The following KAZN variants were observed in gnomAD, a reference collection of about 807,000 sequenced individuals.
The protein encoded by KAZN is kazrin, periplakin interacting protein.
A neutral mutation model predicts 87.4 loss-of-function variants in KAZN; 40 were observed. The ratio of observed to expected loss-of-function variants is 0.46; its 90% confidence interval spans 0.36 to 0.60. The LOEUF (loss-of-function observed/expected upper bound fraction) is 0.60. Ranked by LOEUF, KAZN falls within the 20% of genes least tolerant of loss-of-function variation. The pLI, the probability that KAZN is intolerant of heterozygous loss-of-function variation, is 0.00. For synonymous variants in KAZN, 466 were observed against 458.3 expected, an observed-to-expected ratio of 1.02 and a Z score of -0.22; for missense variants, 898 against 1,073.9, an observed-to-expected ratio of 0.84 and a Z score of 2.29.
intron 1 of KAZN, among the ~76,000 whole-genome samples, chr1:14,861,378 CA>C (rs1176891526): frequency 6.6e-6 from 1 of 151,396 alleles, no homozygotes; most frequent in South Asian, 2.1e-4. Flanking sequence ...GAGCCTGTCT[CA>C]AAAAAAATAA....
intron 1 of KAZN, among the ~76,000 whole-genome samples, chr1:14,943,003 GTGTGGTGTGTGT>G (rs1247565576): frequency 1.6e-5 from 2 of 122,036 alleles, no homozygotes; most frequent in African/African-American, 7.6e-5. Flanking sequence ...GTGTGTGTGT[GTGTGGTGTGTGT>G]GTGTGTGTGT....
At position 15,101,725 on chromosome 1, in the gene KAZN, G is replaced by C; in HGVS notation, c.1730G>C (p.Ser577Thr). The C allele has an allele frequency of 6.3e-7, 1 of 1,593,010 alleles. No homozygotes were observed. Among genetic ancestry groups the C allele is most frequent in the African/African-American group, 1.3e-5 (1 of 74,628 alleles). Residue 577 changes from serine to threonine, a missense_variant, in exon 11 of 15, where the codon AGC becomes ACC. Coordinates refer to ENST00000376030, the MANE Select transcript of KAZN (RefSeq NM_201628.3). ...LNVSKKFHQV[S>T]ILLGIELLYQ... Reference sequence around the variant, plus strand: ...GTGTCCAAGAAGTTCCACCAGGTCAGCATCCTGCTGGGGATCGAGCTGCTG... The same window carrying C: ...GTGTCCAAGAAGTTCCACCAGGTCACCATCCTGCTGGGGATCGAGCTGCTG...
At chr1:15,104,333 C>A (rs1641220096) in intron 13 of KAZN, 144 bp downstream of exon 13, 2 of 876,196 alleles carry the variant, frequency 2.3e-6, no homozygotes, top group African/African-American at 1.7e-5. Flanking sequence ...TCACCTTTTA[C>A]AGATCAGGAA....
rs146725382 is a variant in KAZN at position 14,217,738 on chromosome 1, G to A, written c.249+37146G>A. On this transcript the variant is annotated intron_variant, in intron 2 of 16. Transcript: ENST00000636203. ...ACTGACCCAAAATAACCAACACTGAGAGAAAGTTAATAAAACTATTAGACT... is the reference window on the plus strand; with the variant it reads ...ACTGACCCAAAATAACCAACACTGAAAGAAAGTTAATAAAACTATTAGACT... 2.4e-3 allele frequency among the ~76,000 whole-genome samples: 368 copies of A among 152,146 alleles called. 2 individuals carry two copies. The highest frequency in any genetic ancestry group is 7.8e-3 in the African/African-American group (325 of 41,534).
At chr1:14,035,576 C>G (rs764251253) in intron 1 of KAZN, among the ~76,000 whole-genome samples, 1 of 150,664 alleles carries the variant, frequency 6.6e-6, no homozygotes, top group Non-Finnish European at 1.5e-5. Context: ...CCTCCCAGAT[C>G]CTCCCACCTC....
chr1:13,943,374 G>C (rs1028740951), intron 1 of KAZN, among the ~76,000 whole-genome samples: 1 of 152,098 alleles, frequency 6.6e-6, no homozygotes, highest in African/African-American at 2.4e-5. Flanking sequence ...GGAGGCTGAG[G>C]TGGGAGGATC....
intron 2 of KAZN, among the ~76,000 whole-genome samples, chr1:14,978,974 G>T (rs141092117): frequency 6.6e-6 from 1 of 151,818 alleles, no homozygotes; most frequent in East Asian, 2.0e-4. Context: ...GCGCAATCTC[G>T]GCTCACTGCA....
intron 1 of KAZN, among the ~76,000 whole-genome samples, chr1:14,620,029 C>A (rs933698355): frequency 6.6e-6 from 1 of 152,178 alleles, no homozygotes; most frequent in African/African-American, 2.4e-5. Flanking sequence ...CTCAGCTCCC[C>A]AGGTCAATGC....
At chr1:14,764,033 G>A (rs769818333) in intron 1 of KAZN, among the ~76,000 whole-genome samples, 2 of 152,172 alleles carry the variant, frequency 1.3e-5, no homozygotes, top group East Asian at 1.9e-4. Context: ...ACAGGCTTGA[G>A]CCACCACACC....
chr1:14,396,761 G>A (rs1303038471), intron 2 of KAZN, among the ~76,000 whole-genome samples: 1 of 152,156 alleles, frequency 6.6e-6, no homozygotes, highest in Non-Finnish European at 1.5e-5. Context: ...ATAAATGCAG[G>A]GGAATAAGCC....
chr1:14,943,625 C>T (rs1361381419), intron 1 of KAZN, among the ~76,000 whole-genome samples: 1 of 152,220 alleles, frequency 6.6e-6, no homozygotes. Flanking sequence ...CAATCACTCC[C>T]ATTTTACAGA....
At chr1:14,872,092 C>A (rs1000710659) in intron 1 of KAZN, among the ~76,000 whole-genome samples, 1 of 152,188 alleles carries the variant, frequency 6.6e-6, no homozygotes, top group Non-Finnish European at 1.5e-5. Context: ...AGGGTGCAAG[C>A]GTGTGGGCAC....
At chr1:13,932,093 A>G (rs980565105) in intron 1 of KAZN, among the ~76,000 whole-genome samples, 5 of 150,516 alleles carry the variant, frequency 3.3e-5, no homozygotes, top group African/African-American at 1.2e-4. Flanking sequence ...CCTGACCTCA[A>G]GTGATACACC....
chr1:15,013,767 G>C (rs1669822136), intron 2 of KAZN, among the ~76,000 whole-genome samples: 1 of 150,428 alleles, frequency 6.6e-6, no homozygotes, highest in Non-Finnish European at 1.5e-5. Flanking sequence ...AAAAAAAAAA[G>C]AGAGAGATGG....
At chr1:14,092,647 G>T (rs58163983) in intron 1 of KAZN, among the ~76,000 whole-genome samples, 1 of 149,190 alleles carries the variant, frequency 6.7e-6, no homozygotes, top group East Asian at 2.0e-4. Flanking sequence ...ACACACACAC[G>T]CACTGGTACC....
At chr1:14,930,485 T>A (rs1394941753) in intron 1 of KAZN, among the ~76,000 whole-genome samples, 1 of 152,140 alleles carries the variant, frequency 6.6e-6, no homozygotes, top group Non-Finnish European at 1.5e-5. Flanking sequence ...GGGAAGAATG[T>A]GGATTTTCGC....
chr1:14,889,642 C>T (rs1187600142), intron 1 of KAZN, among the ~76,000 whole-genome samples: 2 of 152,218 alleles, frequency 1.3e-5, no homozygotes, highest in East Asian at 3.8e-4. Flanking sequence ...TCCTTAATTC[C>T]TGTCCAGCTT....
chr1:14,830,763 C>A (rs1647029115), intron 1 of KAZN, among the ~76,000 whole-genome samples: 1 of 152,166 alleles, frequency 6.6e-6, no homozygotes. Context: ...CATTAGAAAC[C>A]ACCACCATGA....
intron 1 of KAZN, among the ~76,000 whole-genome samples, chr1:14,954,160 A>G (rs1256098057): frequency 6.6e-6 from 1 of 152,176 alleles, no homozygotes; most frequent in African/African-American, 2.4e-5. Flanking sequence ...GGGCAGCACC[A>G]TTGGTAACAG....
Sources: allele counts gnomAD v4.1 joint callset (sites outside exome capture counted in the v4.1 genomes callset), GRCh38; gene constraint gnomAD v4.1.1; transcripts MANE v1.5; gene names NCBI Gene and HGNC (gene_info 2026-07-23, HGNC 2026-07-21).